Variants in GRIA1 observed in about 807,000 individuals in gnomAD.
GRIA1 encodes glutamate ionotropic receptor AMPA type subunit 1, also known as glutamate receptor 1.
Under a neutral mutation model 99.2 loss-of-function variants are expected in GRIA1, and 31 were observed. The ratio of observed to expected loss-of-function variants is 0.31; its 90% CI spans 0.23 to 0.42. The LOEUF (loss-of-function observed/expected upper bound fraction) is 0.42, where lower values mean the gene tolerates loss of function less well. Among genes scored for constraint, GRIA1 ranks in the 10% least tolerant of loss-of-function variants. GRIA1 has a pLI of 1.00. For missense variants in GRIA1, 782 were observed against 1,157.5 expected (o/e 0.68, Z 4.71); for synonymous variants, 438 against 432.4 (o/e 1.01, Z -0.16).
At chr5:153,688,061 C>G (rs1270031555) in intron 8 of GRIA1, among the ~76,000 whole-genome samples, 1 of 152,180 alleles carries the variant, frequency 6.6e-6, no homozygotes, top group Admixed American at 6.5e-5. Context: ...TGTTACCAAG[C>G]TTTCTCCATA....
chr5:153,581,361 C>A (rs759706170), intron 2 of GRIA1, among the ~76,000 whole-genome samples: 6 of 152,164 alleles, frequency 3.9e-5, no homozygotes, highest in Non-Finnish European at 8.8e-5. Context: ...TGGATGGTAG[C>A]CTGATCTGAC....
At chr5:153,580,196 G>C (rs1367419302) in intron 2 of GRIA1, among the ~76,000 whole-genome samples, 2 of 152,180 alleles carry the variant, frequency 1.3e-5, no homozygotes, top group Non-Finnish European at 2.9e-5. Context: ...TCTTACCAGA[G>C]AGGGAATCAC....
At chr5:153,569,694 G>A (rs559601934) in intron 2 of GRIA1, among the ~76,000 whole-genome samples, 1 of 152,224 alleles carries the variant, frequency 6.6e-6, no homozygotes, top group Non-Finnish European at 1.5e-5. Context: ...TCAGTGTGTT[G>A]TAGGTTTTTG....
At chr5:153,506,886 G>C (rs934977428) in intron 2 of GRIA1, among the ~76,000 whole-genome samples, 3 of 152,236 alleles carry the variant, frequency 2.0e-5, no homozygotes, top group African/African-American at 7.2e-5. Flanking sequence ...ACTTTGGGAG[G>C]CCAAGGCGGG....
intron 2 of GRIA1, among the ~76,000 whole-genome samples, chr5:153,645,576 T>C (rs1215586158): frequency 3.3e-5 from 5 of 152,218 alleles, no homozygotes; most frequent in Non-Finnish European, 7.3e-5. Context: ...ATGTGAAGTA[T>C]GAAACTCTAA....
chr5:153,555,739 T>C (rs1468430321), intron 2 of GRIA1, among the ~76,000 whole-genome samples: 1 of 152,206 alleles, frequency 6.6e-6, no homozygotes, highest in Non-Finnish European at 1.5e-5. Flanking sequence ...GGAATTTCAG[T>C]CAGTCTGACA....
At chr5:153,613,803 T>C (rs965622474) in intron 2 of GRIA1, among the ~76,000 whole-genome samples, 1 of 152,188 alleles carries the variant, frequency 6.6e-6, no homozygotes, top group Admixed American at 6.5e-5. Flanking sequence ...CACTTTAGTT[T>C]CAGAAAATCA....
intron 2 of GRIA1, among the ~76,000 whole-genome samples, chr5:153,603,094 C>T (rs1179591266): frequency 6.9e-6 from 1 of 145,560 alleles, no homozygotes; most frequent in African/African-American, 2.4e-5. Context: ...CACAACAGTC[C>T]CCAGAGTGTG....
intron 13 of GRIA1, among the ~76,000 whole-genome samples, chr5:153,787,752 C>T (rs551279241): frequency 6.6e-6 from 1 of 152,268 alleles, no homozygotes; most frequent in African/African-American, 2.4e-5. Context: ...TGACCATCTC[C>T]TTTGACTTCC....
intron 2 of GRIA1, among the ~76,000 whole-genome samples, chr5:153,508,052 G>A (rs1755709548): frequency 1.3e-5 from 2 of 152,180 alleles, no homozygotes; most frequent in East Asian, 1.9e-4. Context: ...TGGGGTTTAC[G>A]TCCTGGGAAA....
intron 4 of GRIA1, among the ~76,000 whole-genome samples, chr5:153,654,633 C>G (rs1754806105): frequency 6.6e-6 from 1 of 152,074 alleles, no homozygotes; most frequent in Non-Finnish European, 1.5e-5. Flanking sequence ...AATTATTCCC[C>G]ACATAAAAAA....
intron 2 of GRIA1, among the ~76,000 whole-genome samples, chr5:153,568,451 C>G (rs555966418): frequency 4.1e-4 from 63 of 152,178 alleles, no homozygotes; most frequent in Non-Finnish European, 7.9e-4. Flanking sequence ...AAGCACTGAT[C>G]TAGTTTATCA....
At chr5:153,672,859 T>C (rs1184608432) in intron 5 of GRIA1, among the ~76,000 whole-genome samples, 1 of 152,180 alleles carries the variant, frequency 6.6e-6, no homozygotes, top group Non-Finnish European at 1.5e-5. Context: ...TGAAAGGGAA[T>C]TGCCTGTATG....
intron 2 of GRIA1, among the ~76,000 whole-genome samples, chr5:153,537,769 ATG>A (rs1196233250): frequency 6.6e-6 from 1 of 152,210 alleles, no homozygotes; most frequent in Non-Finnish European, 1.5e-5. Context: ...TGCTGCTGCT[ATG>A]AAGCAACCAT....
intron 11 of GRIA1, among the ~76,000 whole-genome samples, chr5:153,749,773 AAATGAATG>A (rs1762392361): frequency 6.6e-6 from 1 of 151,678 alleles, no homozygotes; most frequent in South Asian, 2.1e-4. Flanking sequence ...ATGAATGAAT[AAATGAATG>A]AATCTACACC....
intron 13 of GRIA1, among the ~76,000 whole-genome samples, chr5:153,779,716 C>T (rs1251978924): frequency 6.6e-6 from 1 of 152,146 alleles, no homozygotes; most frequent in Non-Finnish European, 1.5e-5. Flanking sequence ...CCGTGCACTA[C>T]CACACCAAGC....
intron 2 of GRIA1, among the ~76,000 whole-genome samples, chr5:153,610,373 G>A (rs1011296247): frequency 1.3e-5 from 2 of 152,172 alleles, no homozygotes; most frequent in African/African-American, 4.8e-5. Context: ...CTCATAGACT[G>A]GATTATTCAG....
chr5:153,789,550 C>T (rs1285802613), intron 13 of GRIA1, among the ~76,000 whole-genome samples: 1 of 152,130 alleles, frequency 6.6e-6, no homozygotes, highest in East Asian at 1.9e-4. Flanking sequence ...CTGACTTCCA[C>T]TTTTAGGAGA....
At chr5:153,696,364 C>A (rs1758100922) in intron 8 of GRIA1, among the ~76,000 whole-genome samples, 1 of 152,194 alleles carries the variant, frequency 6.6e-6, no homozygotes, top group African/African-American at 2.4e-5. Context: ...TTAGGAAGAA[C>A]AGCATAGTGG....
Sources: allele counts gnomAD v4.1 joint callset (sites outside exome capture counted in the v4.1 genomes callset), GRCh38; gene constraint gnomAD v4.1.1; transcripts MANE v1.5; gene names NCBI Gene and HGNC (gene_info 2026-07-23, HGNC 2026-07-21).